FGD5: variants seen among roughly 807,000 people sequenced by gnomAD.
The protein encoded by FGD5 is FYVE, RhoGEF and PH domain-containing protein 5.
Under a neutral mutation model 133.4 loss-of-function variants are expected in FGD5, and 28 were observed. The observed-to-expected ratio is 0.21, with a 90% CI of 0.16 to 0.29. The LOEUF (loss-of-function observed/expected upper bound fraction) is 0.29, where lower values mean the gene tolerates loss of function less well. Among genes scored for constraint, FGD5 ranks in the 10% least tolerant of loss-of-function variants. The pLI is 1.00. For synonymous variants in FGD5, 810 were observed against 776.5 expected, an observed-to-expected ratio of 1.04 and a Z score of -0.72; for missense variants, 1,858 against 1,895.2, an observed-to-expected ratio of 0.98 and a Z score of 0.36.
At chr3:14,900,527 C>T (rs2038218659) in intron 8 of FGD5, 74 bp downstream of exon 8, 2 of 1,542,280 alleles carry the variant, frequency 1.3e-6, no homozygotes, top group East Asian at 4.7e-5. Context: ...TGGACCCTGC[C>T]CCAATTCCAA....
At chr3:14,915,260 C>A (rs1337067252) in intron 11 of FGD5, among the ~76,000 whole-genome samples, 3 of 152,198 alleles carry the variant, frequency 2.0e-5, no homozygotes, top group Non-Finnish European at 4.4e-5. Context: ...ATGGCTGGAA[C>A]CTTGGAGTCC....
chr3:14,930,958 C>G (rs919641782), intron 18 of FGD5: 1 of 151,956 alleles, frequency 6.6e-6, no homozygotes, highest in Non-Finnish European at 1.5e-5. Flanking sequence ...ATTTTTAGTT[C>G]TAGTAGTTAT....
At chr3:14,832,625 A>G (rs762691437) in intron 1 of FGD5, among the ~76,000 whole-genome samples, 6 of 152,168 alleles carry the variant, frequency 3.9e-5, no homozygotes, top group Admixed American at 3.9e-4. Context: ...GAGTGGCGGC[A>G]TGACTTTTAA....
At chr3:14,877,713 G>GCTGCTCTGATGTGTGT (rs1374999550) in intron 2 of FGD5, among the ~76,000 whole-genome samples, 1 of 152,200 alleles carries the variant, frequency 6.6e-6, no homozygotes, top group South Asian at 2.1e-4. Flanking sequence ...GCAAGCCCAG[G>GCTGCTCTGATGTGTGT]CTGCTCTGAT....
Position 14,820,785 on chromosome 3 carries a change from G to A in FGD5, c.1714G>A (p.Asp572Asn). The change falls in exon 1 of 20, where the codon GAT becomes AAT. Residue 572 changes from aspartate to asparagine, a missense_variant. By Grantham distance (23) the Asp-to-Asn change is conservative. Coordinates refer to ENST00000285046, the MANE Select transcript of FGD5 (RefSeq NM_152536.4). Reference sequence around the variant, plus strand: ...CCAGGAGCCTGAGGGGTCAGGGTTGGATGACCACAGGATAAAGAGGAAAGA... The same window carrying A: ...CCAGGAGCCTGAGGGGTCAGGGTTGAATGACCACAGGATAAAGAGGAAAGA... Reference protein sequence around the residue: ...VYQEPEGSGLDDHRIKRKEDN... With the variant: ...VYQEPEGSGLNDHRIKRKEDN... 6.2e-7 allele frequency: 1 copy of A among 1,613,844 alleles called. No homozygotes were observed.
chr3:14,903,479 A>G (rs1039841720), intron 9 of FGD5, among the ~76,000 whole-genome samples: 2 of 148,376 alleles, frequency 1.3e-5, no homozygotes, highest in African/African-American at 4.9e-5. Flanking sequence ...CATTAGGTAT[A>G]TCTCCCAGTG....
rs376175596 is a variant in FGD5 at position 14,853,030 on chromosome 3, C to T, written c.2526-11098C>T. Among the ~76,000 whole-genome samples, 19 of 151,854 alleles carry T rather than the reference C, an allele frequency of 1.3e-4. No homozygotes were observed. The South Asian group carries it at 1.3e-3, about 10-fold the overall frequency. ...CTTAGCCTCCCCAGGACAGCCACGA[C>T]GTAGCCCAGATGACGCAGGGTTTCC... On this transcript the variant is annotated intron_variant, in intron 1 of 19. Coordinates refer to ENST00000285046, the MANE Select transcript of FGD5 (RefSeq NM_152536.4).
At chr3:14,831,448 A>C (rs1465503507) in intron 1 of FGD5, among the ~76,000 whole-genome samples, 1 of 152,138 alleles carries the variant, frequency 6.6e-6, no homozygotes, top group East Asian at 1.9e-4. Flanking sequence ...GCAAGTCTTC[A>C]TCAAGCTGTG....
rs1361376164 is a variant in FGD5 at position 14,922,402 on chromosome 3, T to C, written c.3670-9T>C. 2.6e-6 allele frequency: 4 copies of C among 1,562,340 alleles called. No individual in the cohort carries two copies. The highest frequency in any genetic ancestry group is 3.5e-6 in the Non-Finnish European group (4 of 1,153,160). Reference sequence around the variant, plus strand: ...ATTCCACATTACTCAGCCAATTCTGTTGCTGCAGATACGAGAGAGGCTGGG... The same window carrying C: ...ATTCCACATTACTCAGCCAATTCTGCTGCTGCAGATACGAGAGAGGCTGGG... On this transcript the variant is annotated splice_polypyrimidine_tract_variant and intron_variant, in intron 14 of 19. Transcript: ENST00000285046. The surrounding 1 kb of genome is among the most constrained non-coding windows in gnomAD (Gnocchi z 4.1).
intron 1 of FGD5, among the ~76,000 whole-genome samples, chr3:14,826,047 A>C (rs941432785): frequency 6.6e-6 from 1 of 152,202 alleles, no homozygotes; most frequent in Non-Finnish European, 1.5e-5. Context: ...TATCTCATTT[A>C]AATCTTCATC....
chr3:14,920,125 G>A (rs574511697), intron 13 of FGD5, among the ~76,000 whole-genome samples: 1 of 152,204 alleles, frequency 6.6e-6, no homozygotes, highest in African/African-American at 2.4e-5. Context: ...GCTCTCGGGG[G>A]CTTGGAAACC....
intron 1 of FGD5, among the ~76,000 whole-genome samples, chr3:14,851,087 G>C (rs955621843): frequency 1.3e-5 from 2 of 152,126 alleles, no homozygotes; most frequent in Non-Finnish European, 2.9e-5. Flanking sequence ...AGGGGAAGGG[G>C]CCCACACTGG....
intron 2 of FGD5, among the ~76,000 whole-genome samples, chr3:14,878,265 G>A (rs900761409): frequency 5.3e-5 from 8 of 151,986 alleles, no homozygotes; most frequent in Non-Finnish European, 1.0e-4. Flanking sequence ...GGGCTCACCA[G>A]AGGTCATACC....
At chr3:14,886,903 A>G (rs2037935798) in intron 4 of FGD5, among the ~76,000 whole-genome samples, 1 of 152,168 alleles carries the variant, frequency 6.6e-6, no homozygotes, top group South Asian at 2.1e-4. Context: ...CATATTTTTT[A>G]TGGTTTCAGT....
At chr3:14,890,488 A>C (rs1198711903) in intron 4 of FGD5, among the ~76,000 whole-genome samples, 4 of 152,180 alleles carry the variant, frequency 2.6e-5, no homozygotes, top group Non-Finnish European at 5.9e-5. Flanking sequence ...CCTCCTACCC[A>C]CTTCCTCCCT....
Position 14,824,777 on chromosome 3 carries a change from A to G in FGD5, c.2525+3181A>G, listed in dbSNP as rs895472293. On this transcript the variant is annotated intron_variant, in intron 1 of 19. Coordinates refer to ENST00000285046, the MANE Select transcript of FGD5 (RefSeq NM_152536.4). ...AATGTAATGGAAACTTTTTCTCACT[A>G]TTGGGAAATGGAAAAACAGTATCAG... 1.1e-4 allele frequency among the ~76,000 whole-genome samples: 16 copies of G among 152,292 alleles called. No homozygotes were observed. The East Asian group carries it at 3.1e-3, about 29-fold the overall frequency.
At chr3:14,851,698 A>G (rs1266641091) in intron 1 of FGD5, among the ~76,000 whole-genome samples, 1 of 152,132 alleles carries the variant, frequency 6.6e-6, no homozygotes, top group Non-Finnish European at 1.5e-5. Flanking sequence ...GTTCCTGAAG[A>G]TCTTCTAAAA....
Position 14,819,250 on chromosome 3 carries a change from A to C in FGD5, c.179A>C (p.Glu60Ala). ...TCCATCCCAAAGTGCTCTGAGTCGG[A>C]GACCGACGAGGATTACATCGTGGTC... ...PRSIPKCSES[E>A]TDEDYIVVPR... The change falls in exon 1 of 20, where the codon GAG becomes GCG. Residue 60 changes from glutamate to alanine, a missense_variant. Transcript: ENST00000285046. The surrounding 1 kb of genome is among the most constrained non-coding windows in gnomAD (Gnocchi z 4.1). 6.5e-7 allele frequency: 1 copy of C among 1,540,316 alleles called. No individual in the cohort carries two copies. The highest frequency in any genetic ancestry group is 8.8e-7 in the Non-Finnish European group (1 of 1,141,764).
At chr3:14,919,339 C>T (rs2038625924) in intron 13 of FGD5, among the ~76,000 whole-genome samples, 1 of 152,196 alleles carries the variant, frequency 6.6e-6, no homozygotes, top group Non-Finnish European at 1.5e-5. Flanking sequence ...AAATACCAGG[C>T]CGGGCGCGGT....
Sources: gnomAD v4.1 joint callset for allele counts (sites outside exome capture counted in the v4.1 genomes callset) on GRCh38, gnomAD v4.1.1 for gene constraint, Gnocchi (gnomAD v3.1) non-coding constraint, MANE v1.5 for transcripts, NCBI Gene and HGNC (gene_info 2026-07-23, HGNC 2026-07-21) for gene names.